RBFOX3: variants seen among roughly 807,000 people sequenced by gnomAD.
RBFOX3 encodes the protein RNA binding protein fox-1 homolog 3.
In RBFOX3, 17 loss-of-function variants were observed where a neutral mutation model predicts 48.7. That is an observed-to-expected ratio of 0.35 (90% confidence interval 0.24 to 0.52). The LOEUF is 0.52. RBFOX3 is among the 20% of genes least tolerant of loss of function. The probability of loss-of-function intolerance (pLI) is 0.94; values close to 1 mark genes in which losing one functional copy is unlikely to be tolerated. For missense variants in RBFOX3, 382 were observed against 497.5 expected, an observed-to-expected ratio of 0.77 and a Z score of 2.21; for synonymous variants, 212 against 209.5, an observed-to-expected ratio of 1.01 and a Z score of -0.10.
chr17:79,427,464 T>A (rs2067599336), intron 2 of RBFOX3, among the ~76,000 whole-genome samples: 1 of 152,340 alleles, frequency 6.6e-6, no homozygotes, highest in African/African-American at 2.4e-5. Flanking sequence ...CTACAAGATT[T>A]CCCACAAACC....
intron 2 of RBFOX3, among the ~76,000 whole-genome samples, chr17:79,434,694 C>T (rs1402175516): frequency 1.3e-5 from 2 of 152,132 alleles, no homozygotes; most frequent in Admixed American, 1.3e-4. Context: ...AGCAAGCAGG[C>T]CCAGACAATT....
At chr17:79,495,117 C>T (rs1197909871) in intron 1 of RBFOX3, among the ~76,000 whole-genome samples, 1 of 151,954 alleles carries the variant, frequency 6.6e-6, no homozygotes, top group African/African-American at 2.4e-5. Context: ...GCCCCCTCCT[C>T]ACAGCCCATC....
chr17:79,128,973 CCT>C (rs2038064991), intron 4 of RBFOX3, among the ~76,000 whole-genome samples: 1 of 152,146 alleles, frequency 6.6e-6, no homozygotes, highest in Non-Finnish European at 1.5e-5. Flanking sequence ...TGCTTTGCCA[CCT>C]GAGCCCACCT....
chr17:79,344,658 G>A (rs546966825), intron 2 of RBFOX3, among the ~76,000 whole-genome samples: 3 of 152,190 alleles, frequency 2.0e-5, no homozygotes, highest in South Asian at 4.2e-4. Context: ...AAGTTCAAGC[G>A]ATTCTTGTGC....
At chr17:79,193,038 C>T (rs1260604967) in intron 4 of RBFOX3, among the ~76,000 whole-genome samples, 1 of 152,220 alleles carries the variant, frequency 6.6e-6, no homozygotes, top group East Asian at 1.9e-4. Flanking sequence ...CTGGCTGAAC[C>T]TCATCCGCTT....
At chr17:79,524,888 A>G (rs1340913372) in intron 1 of RBFOX3, among the ~76,000 whole-genome samples, 1 of 152,162 alleles carries the variant, frequency 6.6e-6, no homozygotes, top group East Asian at 1.9e-4. Flanking sequence ...ACACAGCATC[A>G]TGGGTGGGTT....
intron 5 of RBFOX3, among the ~76,000 whole-genome samples, chr17:79,108,079 C>T (rs2077753158): frequency 6.6e-6 from 1 of 152,220 alleles, no homozygotes; most frequent in African/African-American, 2.4e-5. Flanking sequence ...CAAATACACC[C>T]TGTGCATTTG....
At position 79,550,599 on chromosome 17, in the gene RBFOX3, T is replaced by C. The variant is rs969964346; in HGVS notation, c.-320+60227A>G. ...ATGACAAAATGACTAAGTGGATGAA[T>C]AGATGGATGAGTGGACAGATGATGG... is the stretch of plus-strand genomic sequence containing the variant. On this transcript the variant is annotated intron_variant, in intron 1 of 14. Coordinates refer to ENST00000693108, the MANE Select transcript of RBFOX3 (RefSeq NM_001350451.2). 1.4e-3 allele frequency among the ~76,000 whole-genome samples: 209 copies of C among 152,292 alleles called. 1 individual carries two copies. Among genetic ancestry groups the C allele is most frequent in the African/African-American group, 4.8e-3 (200 of 41,554 alleles).
At chr17:79,327,202 C>T (rs1370644532) in intron 2 of RBFOX3, among the ~76,000 whole-genome samples, 1 of 152,222 alleles carries the variant, frequency 6.6e-6, no homozygotes. Context: ...CCATTCCCTT[C>T]CCTCGAATCA....
At chr17:79,098,073 G>C (rs2075728761) in intron 9 of RBFOX3, 1 of 332,744 alleles carries the variant, frequency 3.0e-6, no homozygotes, top group Non-Finnish European at 5.7e-6. Context: ...GAACTGGAGA[G>C]GGAAAGTGGA....
At chr17:79,637,226 C>T in the RBFOX3 span, among the ~76,000 whole-genome samples, 2 of 152,154 alleles carry the variant, frequency 1.3e-5, no homozygotes, top group Admixed American at 6.5e-5. Flanking sequence ...ATATCTCACT[C>T]TCTATAGTGG....
At chr17:79,290,795 T>G (rs2073105772) in intron 3 of RBFOX3, among the ~76,000 whole-genome samples, 1 of 152,228 alleles carries the variant, frequency 6.6e-6, no homozygotes, top group South Asian at 2.1e-4. Flanking sequence ...GACTGGTGGC[T>G]GGAGAGGCTC....
Position 79,093,973 on chromosome 17 carries a change from G to A in RBFOX3, c.1077+478C>T, listed in dbSNP as rs1199462724. On this transcript the variant is annotated intron_variant, in intron 14 of 14. Coordinates refer to ENST00000693108, the MANE Select transcript of RBFOX3 (RefSeq NM_001350451.2). ...AGCTAGAGCCTGGTGAGAAGCAACC[G>A]GTAACCCACACTCCCCTCTCGGATG... is the stretch of plus-strand genomic sequence containing the variant. 5.3e-5 allele frequency among the ~76,000 whole-genome samples: 8 copies of A among 152,222 alleles called. 1 individual carries two copies. In the South Asian group the frequency reaches 8.3e-4, roughly 16 times the overall value.
chr17:79,584,641 C>T (rs2093181196), intron 1 of RBFOX3, among the ~76,000 whole-genome samples: 1 of 152,032 alleles, frequency 6.6e-6, no homozygotes, highest in African/African-American at 2.4e-5. Flanking sequence ...GAACTGGAGA[C>T]TATTATTCTA....
At chr17:79,529,869 T>C (rs941432242) in intron 1 of RBFOX3, among the ~76,000 whole-genome samples, 52 of 152,318 alleles carry the variant, frequency 3.4e-4, no homozygotes, top group Middle Eastern at 3.4e-3. Context: ...CACCTGTGCT[T>C]GTGAACAACA....
At chr17:79,548,336 G>C (rs1162120310) in intron 1 of RBFOX3, among the ~76,000 whole-genome samples, 1 of 152,130 alleles carries the variant, frequency 6.6e-6, no homozygotes, top group Non-Finnish European at 1.5e-5. Context: ...TCACCCATGT[G>C]CTCCTGGAAC....
At chr17:79,664,573 C>G in the RBFOX3 span, among the ~76,000 whole-genome samples, 1 of 152,186 alleles carries the variant, frequency 6.6e-6, no homozygotes, top group Admixed American at 6.5e-5. Context: ...GTCTCGAACT[C>G]CTGACCTCAG....
intron 2 of RBFOX3, among the ~76,000 whole-genome samples, chr17:79,349,771 C>A (rs965380516): frequency 1.3e-5 from 2 of 151,974 alleles, no homozygotes; most frequent in Non-Finnish European, 2.9e-5. Context: ...CCGAGAGATG[C>A]CATCAGTGGT....
rs1305854096 is a variant in RBFOX3, at chr17:79,094,525, C to T, written c.1003G>A (p.Gly335Ser). 7 of 1,163,282 alleles carry T rather than the reference C, an allele frequency of 6.0e-6. No individual in the cohort carries two copies. The highest frequency in any genetic ancestry group is 7.6e-6 in the Non-Finnish European group (7 of 921,408). The allele number at this position is 1,163,282 out of a possible 1,614,324, so 72.1% of individuals were successfully genotyped here. The change falls in exon 14 of 15, where the codon GGC becomes AGC. Residue 335 changes from glycine to serine, a missense_variant. Physicochemically the swap from Gly to Ser is moderately conservative, Grantham distance 56. This residue lies in a region of RBFOX3 where 215 missense variants were observed against 254.8 expected (regional missense o/e 0.84). Coordinates refer to ENST00000693108, the MANE Select transcript of RBFOX3 (RefSeq NM_001350451.2). ...AAAAAYSDSY[G>S]RVYAAADPYH... ...GGGTCGGCAGCTGCGTAGACTCTGC[C>T]GTAACTAGGGAAGAGCGTGGGAGGG...
Sources: gnomAD v4.1 joint callset for allele counts (sites outside exome capture counted in the v4.1 genomes callset) on GRCh38, gnomAD v4.1.1 for gene constraint, gnomAD v4.1.1 regional missense constraint, MANE v1.5 for transcripts, NCBI Gene and HGNC (gene_info 2026-07-23, HGNC 2026-07-21) for gene names.